NCKAP5: variants seen among roughly 807,000 people sequenced by gnomAD.
The protein encoded by NCKAP5 is nck-associated protein 5.
NCKAP5 carries 92 observed loss-of-function variants against 167.0 expected under a neutral mutation model. The ratio of observed to expected loss-of-function variants is 0.55; its 90% confidence interval spans 0.47 to 0.66. The LOEUF (loss-of-function observed/expected upper bound fraction) is 0.66. Among genes scored for constraint, NCKAP5 ranks in the 30% least tolerant of loss-of-function variants. The probability of loss-of-function intolerance (pLI) is 0.00; values close to 1 mark genes in which losing one functional copy is unlikely to be tolerated. For synonymous variants in NCKAP5, 891 were observed against 877.4 expected (o/e 1.02, Z -0.27); for missense variants, 2,378 against 2,315.0 (o/e 1.03, Z -0.56).
the NCKAP5 span, among the ~76,000 whole-genome samples, chr2:133,581,372 A>C: frequency 6.6e-6 from 1 of 152,116 alleles, no homozygotes; most frequent in African/African-American, 2.4e-5. Context: ...AGTGAAGAAC[A>C]TGCTGGCTAA....
the NCKAP5 span, among the ~76,000 whole-genome samples, chr2:133,673,212 A>G: frequency 6.6e-6 from 1 of 151,952 alleles, no homozygotes; most frequent in African/African-American, 2.4e-5. Flanking sequence ...CCACTGCCCC[A>G]TTTTCAGAGG....
At chr2:133,564,448 C>T (rs1343409332) in intron 1 of NCKAP5, among the ~76,000 whole-genome samples, 1 of 152,068 alleles carries the variant, frequency 6.6e-6, no homozygotes, top group East Asian at 1.9e-4. Context: ...TTACAAACTA[C>T]ACTTAAGATT....
At chr2:133,037,578 T>C (rs1573826172) in intron 6 of NCKAP5, among the ~76,000 whole-genome samples, 1 of 152,100 alleles carries the variant, frequency 6.6e-6, no homozygotes, top group East Asian at 1.9e-4. Context: ...ATGGTACCGG[T>C]GAAACTGGAC....
chr2:133,162,080 T>C (rs1301233924), intron 5 of NCKAP5, among the ~76,000 whole-genome samples: 1 of 152,248 alleles, frequency 6.6e-6, no homozygotes, highest in East Asian at 1.9e-4. Flanking sequence ...TGCCCTCTTG[T>C]ATAGTTCATA....
chr2:133,015,185 T>A (rs375383249), intron 6 of NCKAP5, among the ~76,000 whole-genome samples: 106 of 152,326 alleles, frequency 7.0e-4, no homozygotes, highest in African/African-American at 2.5e-3. Flanking sequence ...TTATCTCTTT[T>A]TTTTTCTTAT....
chr2:132,706,021 T>G (rs1688323681), intron 19 of NCKAP5, among the ~76,000 whole-genome samples: 1 of 152,198 alleles, frequency 6.6e-6, no homozygotes, highest in Admixed American at 6.5e-5. Flanking sequence ...TATTTGCATA[T>G]GTACACAATA....
intron 3 of NCKAP5, among the ~76,000 whole-genome samples, chr2:133,355,397 A>G (rs1190170486): frequency 1.3e-5 from 2 of 152,242 alleles, no homozygotes; most frequent in Admixed American, 6.5e-5. Flanking sequence ...TATGATTCAT[A>G]TCAGCAAACA....
At chr2:133,058,469 A>T (rs1229101264) in intron 6 of NCKAP5, among the ~76,000 whole-genome samples, 1 of 152,204 alleles carries the variant, frequency 6.6e-6, no homozygotes, top group Non-Finnish European at 1.5e-5. Flanking sequence ...AGTTTGGAAG[A>T]AGTTTATTCC....
chr2:132,810,445 T>C (rs951320350), intron 11 of NCKAP5, among the ~76,000 whole-genome samples: 4 of 152,224 alleles, frequency 2.6e-5, no homozygotes, highest in African/African-American at 9.6e-5. Flanking sequence ...AATCCCAGAC[T>C]TCTTGGAGGC....
At chr2:132,747,331 A>G (rs1679737052) in intron 16 of NCKAP5, among the ~76,000 whole-genome samples, 2 of 152,182 alleles carry the variant, frequency 1.3e-5, no homozygotes, top group Non-Finnish European at 2.9e-5. Flanking sequence ...ATCTTCAAGA[A>G]TCACCAGGGA....
intron 5 of NCKAP5, among the ~76,000 whole-genome samples, chr2:133,150,870 C>T (rs1404316062): frequency 1.3e-5 from 2 of 152,150 alleles, no homozygotes; most frequent in African/African-American, 2.4e-5. Context: ...TTATGGGATA[C>T]TCAAACACTG....
intron 11 of NCKAP5, among the ~76,000 whole-genome samples, chr2:132,817,153 T>C (rs1359649871): frequency 7.9e-5 from 12 of 152,256 alleles, no homozygotes; most frequent in Non-Finnish European, 2.9e-5. Context: ...GCTGGTCCAC[T>C]GAGTGACTGT....
At chr2:133,480,786 C>T (rs1455811372) in intron 3 of NCKAP5, among the ~76,000 whole-genome samples, 1 of 152,140 alleles carries the variant, frequency 6.6e-6, no homozygotes, top group African/African-American at 2.4e-5. Flanking sequence ...ACTGCGTGTT[C>T]CAAGCTTTTG....
At chr2:133,096,316 C>T (rs1484173340) in intron 6 of NCKAP5, among the ~76,000 whole-genome samples, 1 of 151,954 alleles carries the variant, frequency 6.6e-6, no homozygotes, top group Admixed American at 6.6e-5. Context: ...CATGGCAAAA[C>T]CCCATCTCTA....
intron 3 of NCKAP5, among the ~76,000 whole-genome samples, chr2:133,437,124 C>T (rs1209018844): frequency 1.3e-5 from 2 of 152,044 alleles, no homozygotes; most frequent in African/African-American, 4.8e-5. Context: ...GACGTCGAGG[C>T]GGGCGGATCA....
At chr2:133,623,406 A>G in the NCKAP5 span, among the ~76,000 whole-genome samples, 1 of 152,230 alleles carries the variant, frequency 6.6e-6, no homozygotes, top group Non-Finnish European at 1.5e-5. Context: ...TACACCTGAC[A>G]AAGGACTAAT....
At chr2:133,169,424 G>A (rs766082278) in intron 5 of NCKAP5, among the ~76,000 whole-genome samples, 5 of 152,196 alleles carry the variant, frequency 3.3e-5, no homozygotes, top group Non-Finnish European at 7.3e-5. Flanking sequence ...CCAGGGGATG[G>A]TGGAGCTTTA....
intron 6 of NCKAP5, among the ~76,000 whole-genome samples, chr2:133,048,149 C>T (rs564728164): frequency 6.6e-5 from 10 of 152,242 alleles, no homozygotes; most frequent in Middle Eastern, 3.4e-3. Flanking sequence ...GCACAAAGTA[C>T]ATCTTTATAA....
rs929254044 is a variant in NCKAP5, at chr2:132,791,456, A to G, written c.910-1251T>C. Reference sequence around the variant, plus strand: ...GCTGTAAACCTCCAAACACATCTTGACAGCCACATTATAGGCCCCTCGTGT... The same window carrying G: ...GCTGTAAACCTCCAAACACATCTTGGCAGCCACATTATAGGCCCCTCGTGT... On this transcript the variant is annotated intron_variant, in intron 12 of 19. Coordinates refer to ENST00000409261, the MANE Select transcript of NCKAP5 (RefSeq NM_207363.3). Among the ~76,000 whole-genome samples, 5 of 152,338 alleles carry G rather than the reference A, an allele frequency of 3.3e-5. No homozygotes were observed. The South Asian group carries it at 1.0e-3, about 32-fold the overall frequency.
Sources: gnomAD v4.1 joint callset for allele counts (sites outside exome capture counted in the v4.1 genomes callset) on GRCh38, gnomAD v4.1.1 for gene constraint, MANE v1.5 for transcripts, NCBI Gene and HGNC (gene_info 2026-07-23, HGNC 2026-07-21) for gene names.